SLC7A7: variants seen among roughly 807,000 people sequenced by gnomAD.
SLC7A7 encodes the protein Y+L amino acid transporter 1.
In SLC7A7, 39 loss-of-function variants were observed where a neutral mutation model predicts 47.9. The observed-to-expected ratio is 0.81, with a 90% CI of 0.63 to 1.06. The LOEUF (loss-of-function observed/expected upper bound fraction) is 1.06, where lower values mean the gene tolerates loss of function less well. Ranked by LOEUF, SLC7A7 falls within the 50% of genes least tolerant of loss-of-function variation. The probability of loss-of-function intolerance (pLI) is 0.00; values close to 1 mark genes in which losing one functional copy is unlikely to be tolerated. For synonymous variants in SLC7A7, 234 were observed against 242.8 expected (o/e 0.96, Z 0.34); for missense variants, 588 against 632.0 (o/e 0.93, Z 0.75).
intron 2 of SLC7A7, among the ~76,000 whole-genome samples, chr14:22,809,433 C>T (rs1000715798): frequency 2.0e-5 from 3 of 151,926 alleles, no homozygotes; most frequent in African/African-American, 4.8e-5. Flanking sequence ...CTCTGCCTCC[C>T]GGGTTCAAGC....
At position 22,773,677 on chromosome 14, in the gene SLC7A7, A is replaced by G. The variant is rs1016134902; in HGVS notation, c.1469T>C (p.Val490Ala). The change falls in exon 10 of 10, where the codon GTT (valine) becomes GCT (alanine). Residue 490 changes from valine to alanine, a missense_variant. Transcript: ENST00000674313. ...ATCTTCCAAATCCATTTCTGCAGCA[A>G]CTGACATACACAGGACCTGGAGGTA... is the stretch of plus-strand genomic sequence containing the variant. ...TRYLQVLCMS[V>A]AAEMDLEDGG... 2 of 1,614,054 alleles carry G rather than the reference A, an allele frequency of 1.2e-6. No individual in the cohort carries two copies. Among genetic ancestry groups the G allele is most frequent in the African/African-American group, 1.3e-5 (1 of 74,920 alleles).
In SLC7A7 at chr14:22,776,235, A is replaced by G. The variant is rs753560317; in HGVS notation, c.854T>C (p.Leu285Pro). ...ACTGGCCAAGATGTCTCTCATGTCT[A>G]GCACAGTATAATAGGCCACATTGGT... ...ILTNVAYYTV[L>P]DMRDILASDA... Residue 285 changes from leucine (L) to proline (P), a missense_variant, in exon 5 of 10, where the codon CTA becomes CCA. Physicochemically the swap from Leu to Pro is moderately conservative, Grantham distance 98. Coordinates refer to ENST00000674313, the MANE Select transcript of SLC7A7 (RefSeq NM_003982.4). 8.7e-6 allele frequency: 14 copies of G among 1,614,130 alleles called. No individual in the cohort carries two copies. In the Admixed American group the frequency reaches 2.3e-4, roughly 27 times the overall value.
chr14:22,774,477 G>A lies in SLC7A7; in HGVS notation c.1122C>T (p.Cys374=), dbSNP rs771254387. 5.5e-5 allele frequency: 88 copies of A among 1,613,970 alleles called. No individual in the cohort carries two copies. The highest frequency in any genetic ancestry group is 7.1e-5 in the Non-Finnish European group (84 of 1,180,014). The change falls in exon 8 of 10, where the codon TGC becomes TGT. Residue 374 remains cysteine, a synonymous_variant. Transcript: ENST00000674313. ...TAATGAGCTGGAAGATGTCTTCCAC[G>A]CACAAGTAGATCAATGCCATGATAC... The part of the protein sequence containing the change: ...FNGIMALIYL[C]VEDIFQLINY...
chr14:22,795,713 T>C (rs1250965158), intron 2 of SLC7A7, among the ~76,000 whole-genome samples: 1 of 151,864 alleles, frequency 6.6e-6, no homozygotes, highest in African/African-American at 2.4e-5. Context: ...GACCTTGTGA[T>C]CTGCCCGCCT....
intron 2 of SLC7A7, among the ~76,000 whole-genome samples, chr14:22,793,250 T>A (rs570428825): frequency 4.5e-4 from 69 of 152,186 alleles, no homozygotes; most frequent in African/African-American, 1.6e-3. Flanking sequence ...AACAACCAAT[T>A]CGCTTACTCA....
At chr14:22,785,050 G>C (rs1326947171) in intron 2 of SLC7A7, among the ~76,000 whole-genome samples, 1 of 152,040 alleles carries the variant, frequency 6.6e-6, no homozygotes, top group Admixed American at 6.6e-5. Flanking sequence ...AGACTGAGGC[G>C]GGCAGATCAC....
At chr14:22,787,869 C>T (rs965477408) in intron 2 of SLC7A7, among the ~76,000 whole-genome samples, 11 of 151,890 alleles carry the variant, frequency 7.2e-5, no homozygotes, top group Non-Finnish European at 1.0e-4. Flanking sequence ...GTCAGGAGAT[C>T]GAGACCATCC....
intron 2 of SLC7A7, among the ~76,000 whole-genome samples, chr14:22,783,643 C>T (rs961756030): frequency 6.6e-5 from 10 of 151,248 alleles, no homozygotes; most frequent in East Asian, 2.0e-4. Flanking sequence ...TCAGGTGATC[C>T]GCCTGCCTCA....
At position 22,812,992 on chromosome 14, in the gene SLC7A7, G is replaced by C. The variant is rs1248229023; in HGVS notation, c.407C>G (p.Ala136Gly). Residue 136 changes from alanine to glycine, a missense_variant, in exon 2 of 10, where the codon GCC (alanine) becomes GGC (glycine). Ala to Gly is a moderately conservative substitution (Grantham distance 60). Transcript: ENST00000674313. Reference sequence around the variant, plus strand: ...TACCATGTAGTTGGCAAAGGTGATGGCAATGATGGCCTGGCTGGTGGGCTC... The same window carrying C: ...TACCATGTAGTTGGCAAAGGTGATGCCAATGATGGCCTGGCTGGTGGGCTC... Reference protein sequence around the residue: ...IIEPTSQAIIAITFANYMVQP... With the variant: ...IIEPTSQAIIGITFANYMVQP... 1.9e-6 allele frequency: 3 copies of C among 1,613,910 alleles called. No homozygotes were observed. The highest frequency in any genetic ancestry group is 1.7e-5 in the Admixed American group (1 of 59,958).
upstream of SLC7A7, chr14:22,816,506 C>CAA (rs5807190): frequency 0.36 from 51,040 of 142,788 alleles, 9,020 homozygotes; most frequent in South Asian, 0.42. Flanking sequence ...GACTCCATCT[C>CAA]AAAAAAAAAA....
chr14:22,779,500 G>T (rs1244383198), intron 3 of SLC7A7, among the ~76,000 whole-genome samples: 2 of 151,742 alleles, frequency 1.3e-5, no homozygotes, highest in African/African-American at 4.8e-5. Context: ...TGTCGCCCAG[G>T]CTGGAGTGCA....
chr14:22,790,765 G>C (rs530654254), intron 2 of SLC7A7, among the ~76,000 whole-genome samples: 1 of 152,140 alleles, frequency 6.6e-6, no homozygotes, highest in East Asian at 1.9e-4. Flanking sequence ...TTTGGGAGGC[G>C]GAGGCAGACG....
At chr14:22,797,463 C>T (rs1221568438) in intron 2 of SLC7A7, among the ~76,000 whole-genome samples, 1 of 152,182 alleles carries the variant, frequency 6.6e-6, no homozygotes, top group Admixed American at 6.5e-5. Flanking sequence ...GTGTTCCAGG[C>T]CCTGTGCAGG....
upstream of SLC7A7, among the ~76,000 whole-genome samples, chr14:22,818,583 G>GTTTTTTTTTT (rs565680138): frequency 2.3e-5 from 3 of 129,518 alleles, no homozygotes; most frequent in Non-Finnish European, 3.3e-5. Context: ...CAGGTTTTTG[G>GTTTTTTTTTT]TTTTTTTTTT....
intron 2 of SLC7A7, among the ~76,000 whole-genome samples, chr14:22,782,441 C>CTTAT (rs200252561): frequency 0.028 from 4,222 of 148,514 alleles, 381 homozygotes; most frequent in East Asian, 0.27. Flanking sequence ...TATTTATTGA[C>CTTAT]TTATTTATTT....
rs1414333836 is a variant in SLC7A7, at chr14:22,780,011, TC to T, written c.539del (p.Gly180GlufsTer16). On this transcript the variant is annotated frameshift_variant, in exon 3 of 10. Transcript: ENST00000674313. LOFTEE classifies it high-confidence loss of function. Reference sequence around the variant, plus strand: ...AGGTGAAAATATCTTGTACCAGGGTTCCCCATTTGACATAGGCACAGTTAAT... The same window carrying T: ...AGGTGAAAATATCTTGTACCAGGGTTCCCATTTGACATAGGCACAGTTAAT... The part of the protein sequence containing the change: ...TFINCAYVKW[G>X]TLVQDIFTYA... The T allele has an allele frequency of 1.2e-6, 2 of 1,614,000 alleles. No individual in the cohort carries two copies. The highest frequency in any genetic ancestry group is 2.7e-5 in the African/African-American group (2 of 74,920).
Position 22,774,059 on chromosome 14 carries a change from G to C in SLC7A7, c.1303C>G (p.Pro435Ala). Residue 435 changes from proline (P) to alanine (A), a missense_variant, in exon 9 of 10, where the codon CCA (proline) becomes GCA (alanine). Physicochemically the swap from Pro to Ala is conservative, Grantham distance 27. Coordinates refer to ENST00000674313, the MANE Select transcript of SLC7A7 (RefSeq NM_003982.4). Reference protein sequence around the residue: ...CLCTIFLVAVPLYSDTINSLI... With the variant: ...CLCTIFLVAVALYSDTINSLI... Reference sequence around the variant, plus strand: ...GAGTTGATAGTATCACTGTAAAGTGGAACAGCCACCAGGAAGATGGTGCAG... The same window carrying C: ...GAGTTGATAGTATCACTGTAAAGTGCAACAGCCACCAGGAAGATGGTGCAG... 6.2e-7 allele frequency: 1 copy of C among 1,614,162 alleles called. No homozygotes were observed. The highest frequency in any genetic ancestry group is 2.2e-5 in the East Asian group (1 of 44,884).
In SLC7A7 at chr14:22,773,470, G is replaced by C. The variant is rs1029895284; in HGVS notation, c.*140C>G. ...AATAAATTACTTTTCATTTCAAAAA[G>C]TAAGTTCAAAGGTTGAAGCTGCCTA... On this transcript the variant is annotated 3_prime_UTR_variant, in exon 10 of 10. Coordinates refer to ENST00000674313, the MANE Select transcript of SLC7A7 (RefSeq NM_003982.4). The C allele has an allele frequency of 1.3e-6, 1 of 740,774 alleles. No homozygotes were observed. Among genetic ancestry groups the C allele is most frequent in the Non-Finnish European group, 2.5e-6 (1 of 405,976 alleles). The allele number at this position is 740,774 out of a possible 1,614,324, so 45.9% of individuals were successfully genotyped here.
At chr14:22,783,487 G>A (rs1594952656) in intron 2 of SLC7A7, among the ~76,000 whole-genome samples, 3 of 150,288 alleles carry the variant, frequency 2.0e-5, no homozygotes, top group African/African-American at 2.5e-5. Context: ...TGCAACCTCC[G>A]CCTCCTGGGT....
Sources: gnomAD v4.1 joint callset for allele counts (sites outside exome capture counted in the v4.1 genomes callset) on GRCh38, gnomAD v4.1.1 for gene constraint, MANE v1.5 for transcripts, NCBI Gene and HGNC (gene_info 2026-07-23, HGNC 2026-07-21) for gene names.